The following ITGA6 variants were observed in gnomAD, a reference collection of about 807,000 sequenced individuals.
ITGA6 encodes the protein integrin alpha-6.
A neutral mutation model predicts 133.6 loss-of-function variants in ITGA6; 63 were observed. That is an observed-to-expected ratio of 0.47 (90% CI 0.38 to 0.58). The LOEUF (loss-of-function observed/expected upper bound fraction) is 0.58. Ranked by LOEUF, ITGA6 falls within the 20% of genes least tolerant of loss-of-function variation. ITGA6 has a pLI of 0.00. For missense variants in ITGA6, 1,068 were observed against 1,309.4 expected, an observed-to-expected ratio of 0.82 and a Z score of 2.85; for synonymous variants, 434 against 482.0, an observed-to-expected ratio of 0.90 and a Z score of 1.30.
At chr2:172,457,849 G>T (rs772797508) in intron 1 of ITGA6, among the ~76,000 whole-genome samples, 14 of 152,172 alleles carry the variant, frequency 9.2e-5, no homozygotes, top group Non-Finnish European at 1.0e-4. Flanking sequence ...ATATGGTTTT[G>T]CTTCCTGGCT....
At position 172,489,574 on chromosome 2, in the gene ITGA6, G is replaced by A. The variant is rs977564436; in HGVS notation, c.2595G>A (p.Leu865=). The A allele has an allele frequency of 1.6e-5, 26 of 1,613,918 alleles. No homozygotes were observed. The highest frequency in any genetic ancestry group is 2.1e-5 in the Non-Finnish European group (25 of 1,179,908). The stretch of plus-strand genomic sequence containing the variant: ...AAGAAATTAGCAATGGGAAATGGTT[G>A]CTTTATTTGGTGAAAGTAGAATCCA... ...WPKEISNGKW[L]LYLVKVESKG... Residue 865 remains leucine (L), a synonymous_variant, in exon 20 of 26, where the codon TTG becomes TTA. Coordinates refer to ENST00000684293, the MANE Select transcript of ITGA6 (RefSeq NM_000210.4).
chr2:172,498,797 T>C (rs1256776880), intron 24 of ITGA6, among the ~76,000 whole-genome samples: 3 of 152,202 alleles, frequency 2.0e-5, no homozygotes, highest in East Asian at 1.9e-4. Context: ...CAGTGAGTGA[T>C]AGAGGCTTAC....
chr2:172,443,637 A>G (rs1684631836), intron 1 of ITGA6, among the ~76,000 whole-genome samples: 2 of 152,196 alleles, frequency 1.3e-5, no homozygotes, highest in South Asian at 4.1e-4. Context: ...GAAGGCTTCA[A>G]TGTTTGTGTC....
Position 172,474,067 on chromosome 2 carries a change from A to G in ITGA6, c.788A>G (p.Asp263Gly), listed in dbSNP as rs1052235923. The change falls in exon 6 of 26, where the codon GAC becomes GGC. Residue 263 changes from aspartate (D) to glycine (G), a missense_variant. Coordinates refer to ENST00000684293, the MANE Select transcript of ITGA6 (RefSeq NM_000210.4). ...TTTGTTTTTCTAGGTTTTTCTTTGG[A>G]CTCAGGGAAAGGTATTGTTTCTAAA... Reference protein sequence around the residue: ...PANSYLGFSLDSGKGIVSKDE... With the variant: ...PANSYLGFSLGSGKGIVSKDE... 1 of 1,612,536 alleles carries G rather than the reference A, an allele frequency of 6.2e-7. No individual in the cohort carries two copies. Among genetic ancestry groups the G allele is most frequent in the Admixed American group, 1.7e-5 (1 of 59,994 alleles).
chr2:172,470,246 T>C (rs936992017), intron 4 of ITGA6, among the ~76,000 whole-genome samples: 12 of 152,198 alleles, frequency 7.9e-5, no homozygotes, highest in Non-Finnish European at 1.5e-5. Context: ...GTAATTTCCC[T>C]TTGCCCCCAC....
intron 23 of ITGA6, chr2:172,495,605 C>T (rs1321571235): frequency 6.6e-6 from 1 of 152,264 alleles, no homozygotes; most frequent in Non-Finnish European, 1.5e-5. Context: ...CCTGACTGGC[C>T]TCTCGCCCTC....
chr2:172,499,999 C>T (rs1280324956), intron 24 of ITGA6, among the ~76,000 whole-genome samples: 1 of 152,144 alleles, frequency 6.6e-6, no homozygotes. Context: ...ACGACTTATA[C>T]AACCCCACAT....
chr2:172,430,047 G>A (rs1313012656), intron 1 of ITGA6, among the ~76,000 whole-genome samples: 1 of 152,208 alleles, frequency 6.6e-6, no homozygotes, highest in African/African-American at 2.4e-5. Context: ...CTCAGTGGGG[G>A]TCTTTCAGGG....
chr2:172,437,983 G>C lies in ITGA6; in HGVS notation c.182+10013G>C, dbSNP rs1684394087. Among the ~76,000 whole-genome samples, 2 of 151,768 alleles carry C rather than the reference G, an allele frequency of 1.3e-5. 1 individual carries two copies. Among genetic ancestry groups the C allele is most frequent in the South Asian group, 4.1e-4 (2 of 4,820 alleles). ...CCACTGGTGACCTTGTGAGAGCACT[G>C]ATGGGGAGGAGTGGGAGCAATGCCT... On this transcript the variant is annotated intron_variant, in intron 1 of 25. Transcript: ENST00000684293.
intron 25 of ITGA6, chr2:172,503,331 A>G (rs1687426899): frequency 6.6e-6 from 1 of 152,130 alleles, no homozygotes; most frequent in Non-Finnish European, 1.5e-5. Flanking sequence ...TGAATTTTAT[A>G]TATATATATA....
Position 172,441,047 on chromosome 2 carries a change from C to T in ITGA6, c.182+13077C>T, listed in dbSNP as rs141436564. Among the ~76,000 whole-genome samples, 216 of 146,372 alleles carry T rather than the reference C, an allele frequency of 1.5e-3. 1 individual carries two copies. Among genetic ancestry groups the T allele is most frequent in the African/African-American group, 5.0e-3 (199 of 40,174 alleles). On this transcript the variant is annotated intron_variant, in intron 1 of 25. Transcript: ENST00000684293. ...CAAATACTTTCCTTGTTCACTAATC[C>T]CTTCTCCCCACCCTGCTTCCTTTAG... is the stretch of plus-strand genomic sequence containing the variant.
At position 172,506,397 on chromosome 2, in the gene ITGA6, C is replaced by T. The variant is rs995472396; in HGVS notation, c.*2329C>T. 1 of 152,118 alleles carries T rather than the reference C, an allele frequency of 6.6e-6. No homozygotes were observed. The highest frequency in any genetic ancestry group is 1.5e-5 in the Non-Finnish European group (1 of 68,022). 9.4% of individuals were successfully genotyped at this position (152,118 alleles called of 1,614,324 possible). A position where few individuals can be genotyped will look rare whatever the true frequency, so the allele number is the denominator to read the frequency against. ...GTTTTCGCTCTATGTAGGTGATCCTCAAGTCTTTCATTTTCCTTCTTTATG... is the reference window on the plus strand; with the variant it reads ...GTTTTCGCTCTATGTAGGTGATCCTTAAGTCTTTCATTTTCCTTCTTTATG... On this transcript the variant is annotated 3_prime_UTR_variant, in exon 26 of 26. Transcript: ENST00000684293.
chr2:172,487,498 C>T, intron 15 of ITGA6, 45 bp downstream of exon 15: 2 of 1,610,124 alleles, frequency 1.2e-6, no homozygotes, highest in Non-Finnish European at 1.7e-6. Flanking sequence ...AAAATCAACA[C>T]TGTGTGGCAA....
intron 8 of ITGA6, 61 bp from the exon 9 acceptor site, chr2:172,476,334 G>C: frequency 3.3e-6 from 3 of 902,904 alleles, no homozygotes; most frequent in Admixed American, 1.7e-5. Flanking sequence ...CTTTTTCAAA[G>C]CATTGTTAAG....
chr2:172,485,947 C>T (rs1176689577), intron 13 of ITGA6, among the ~76,000 whole-genome samples: 1 of 152,040 alleles, frequency 6.6e-6, no homozygotes, highest in South Asian at 2.1e-4. Flanking sequence ...GAGGCCGAGG[C>T]GGGCAGGTCA....
chr2:172,495,148 T>G (rs777928832), intron 23 of ITGA6, among the ~76,000 whole-genome samples: 3 of 152,178 alleles, frequency 2.0e-5, no homozygotes, highest in Non-Finnish European at 4.4e-5. Context: ...CAGGGTAATT[T>G]AGAGAAGGTA....
chr2:172,448,754 T>C (rs1190914493), intron 1 of ITGA6, among the ~76,000 whole-genome samples: 1 of 152,266 alleles, frequency 6.6e-6, no homozygotes, highest in Non-Finnish European at 1.5e-5. Context: ...CTGTGAATTT[T>C]AGCTCACACT....
At position 172,487,730 on chromosome 2, in the gene ITGA6, C is replaced by T. The variant is rs61748247; in HGVS notation, c.2247C>T (p.Val749=). 1 of 1,610,108 alleles carries T rather than the reference C, an allele frequency of 6.2e-7. No homozygotes were observed. The highest frequency in any genetic ancestry group is 8.5e-7 in the Non-Finnish European group (1 of 1,176,542). ...LGNPFKRNSN[V]TFYLVLSTTE... ...AACAGCTATTTATGTTTTTTTAGGT[C>T]ACTTTTTATTTGGTTTTAAGTACAA... Residue 749 remains valine (V), a splice_region_variant and synonymous_variant, in exon 17 of 26, where the codon GTC becomes GTT. Coordinates refer to ENST00000684293, the MANE Select transcript of ITGA6 (RefSeq NM_000210.4).
In ITGA6 at chr2:172,487,003, T is replaced by C. The variant is rs1283962420; in HGVS notation, c.1855-20T>C. Reference sequence around the variant, plus strand: ...AGTCCTGAATGGTGTAAATTGACAATAGTTTTCGTTTTCCTACAGGTTCAC... The same window carrying C: ...AGTCCTGAATGGTGTAAATTGACAACAGTTTTCGTTTTCCTACAGGTTCAC... On this transcript the variant is annotated intron_variant, in intron 13 of 25. Transcript: ENST00000684293. The C allele has an allele frequency of 4.5e-6, 6 of 1,346,146 alleles. No individual in the cohort carries two copies. The African/African-American group carries it at 5.8e-5, about 13-fold the overall frequency. The allele number at this position is 1,346,146 out of a possible 1,614,324, so 83.4% of individuals were successfully genotyped here. A position where few individuals can be genotyped will look rare whatever the true frequency, so the allele number is the denominator to read the frequency against.
Sources: gnomAD v4.1 joint callset for allele counts (sites outside exome capture counted in the v4.1 genomes callset) on GRCh38, gnomAD v4.1.1 for gene constraint, MANE v1.5 for transcripts, NCBI Gene and HGNC (gene_info 2026-07-23, HGNC 2026-07-21) for gene names.